NCBP3: variants seen among roughly 807,000 people sequenced by gnomAD.
The protein encoded by NCBP3 is nuclear cap binding subunit 3, also known as nuclear cap-binding protein subunit 3.
A neutral mutation model predicts 75.7 loss-of-function variants in NCBP3; 20 were observed. The observed-to-expected ratio is 0.26, with a 90% CI of 0.19 to 0.38. The LOEUF is 0.38. Among genes scored for constraint, NCBP3 ranks in the 10% least tolerant of loss-of-function variants. The pLI, the probability that NCBP3 is intolerant of heterozygous loss-of-function variation, is 1.00. For missense variants in NCBP3, 678 were observed against 796.9 expected, an observed-to-expected ratio of 0.85 and a Z score of 1.80; for synonymous variants, 293 against 290.5, an observed-to-expected ratio of 1.01 and a Z score of -0.09.
chr17:3,807,980 T>A lies in NCBP3; in HGVS notation c.*5064A>T, dbSNP rs1336362204. 5 of 152,266 alleles carry A rather than the reference T, an allele frequency of 3.3e-5. No individual in the cohort carries two copies. The East Asian group carries it at 9.6e-4, about 29-fold the overall frequency. The allele number at this position is 152,266 out of a possible 1,614,324, so 9.4% of individuals were successfully genotyped here. ...ATACACACATTTCGCTTAAACACAA[T>A]GGTATTTGTCTGAAAAAGATTTAAA... is the stretch of plus-strand genomic sequence containing the variant. On this transcript the variant is annotated 3_prime_UTR_variant, in exon 13 of 13. Coordinates refer to ENST00000389005, the MANE Select transcript of NCBP3 (RefSeq NM_001114118.3).
rs1434637649 is a variant in NCBP3, at chr17:3,813,276, T to C, written c.1631A>G (p.Asn544Ser). ...YADTREKKSG[N>S]LWTRLGSAPK... ...TGCAGATCCTAGGCGAGTCCATAAA[T>C]TACCTGTTTGGATGAGATGGCATTT... is the stretch of plus-strand genomic sequence containing the variant. The change falls in exon 13 of 13, where the codon AAT becomes AGT. Residue 544 changes from asparagine to serine, a missense_variant. Transcript: ENST00000389005. 3.1e-6 allele frequency: 5 copies of C among 1,613,886 alleles called. No individual in the cohort carries two copies. The highest frequency in any genetic ancestry group is 4.2e-6 in the Non-Finnish European group (5 of 1,179,986).
intron 3 of NCBP3, among the ~76,000 whole-genome samples, chr17:3,832,615 A>C (rs2053904077): frequency 6.6e-6 from 1 of 151,102 alleles, no homozygotes; most frequent in Non-Finnish European, 1.5e-5. Context: ...TGGGTGACAG[A>C]GCGAGAGGCC....
At position 3,807,610 on chromosome 17, in the gene NCBP3, G is replaced by A. The variant is rs1384468230; in HGVS notation, c.*5434C>T. 1 of 152,136 alleles carries A rather than the reference G, an allele frequency of 6.6e-6. No homozygotes were observed. The highest frequency in any genetic ancestry group is 2.4e-5 in the African/African-American group (1 of 41,416). 9.4% of individuals were successfully genotyped at this position (152,136 alleles called of 1,614,324 possible). ...AAGGATACAGAGATAACACCACAAAGAAACTTGCTCATTAGGAGCTTGCTT... is the reference window on the plus strand; with the variant it reads ...AAGGATACAGAGATAACACCACAAAAAAACTTGCTCATTAGGAGCTTGCTT... On this transcript the variant is annotated 3_prime_UTR_variant, in exon 13 of 13. Transcript: ENST00000389005.
intron 3 of NCBP3, among the ~76,000 whole-genome samples, chr17:3,830,166 G>A (rs928761415): frequency 1.3e-5 from 2 of 152,140 alleles, no homozygotes; most frequent in Non-Finnish European, 2.9e-5. Context: ...GATTTTGCAC[G>A]TGCCCTACGG....
At chr17:3,819,041 A>G (rs1385399894) in intron 9 of NCBP3, among the ~76,000 whole-genome samples, 1 of 152,022 alleles carries the variant, frequency 6.6e-6, no homozygotes, top group African/African-American at 2.4e-5. Context: ...CGAGTGGCAC[A>G]TTTTTCACAC....
chr17:3,843,848 T>C (rs1226238100), intron 1 of NCBP3, among the ~76,000 whole-genome samples: 2 of 152,174 alleles, frequency 1.3e-5, no homozygotes, highest in Admixed American at 6.5e-5. Context: ...CTGGCAAGTC[T>C]GGTTCTTTTT....
intron 2 of NCBP3, 76 bp downstream of exon 2, chr17:3,843,010 T>G: frequency 1.8e-6 from 2 of 1,128,764 alleles, no homozygotes; most frequent in Admixed American, 2.4e-5. Flanking sequence ...AAATATTTAC[T>G]GTTATGTCCT....
intron 2 of NCBP3, 85 bp from the exon 3 acceptor site, chr17:3,840,290 A>G: frequency 9.3e-7 from 1 of 1,073,258 alleles, no homozygotes; most frequent in Non-Finnish European, 1.4e-6. Context: ...TCAGTGACAA[A>G]CCTGAACTAA....
At chr17:3,813,848 G>T (rs1338472488) in intron 12 of NCBP3, among the ~76,000 whole-genome samples, 5 of 152,106 alleles carry the variant, frequency 3.3e-5, no homozygotes, top group African/African-American at 9.7e-5. Context: ...GTTTTTAGTA[G>T]AGACAGGGTT....
rs559323891 is a variant in NCBP3, at chr17:3,842,865, G to A, written c.249+221C>T. ...TCACTATGTTGCCCAGGCTGGTCTC[G>A]AACTCCTGGGCTTAAACGATCCACT... is the stretch of plus-strand genomic sequence containing the variant. On this transcript the variant is annotated intron_variant, in intron 2 of 12. Transcript: ENST00000389005. Among the ~76,000 whole-genome samples the A allele has an allele frequency of 1.2e-3, 185 of 151,716 alleles. 1 individual carries two copies. Among genetic ancestry groups the A allele is most frequent in the African/African-American group, 4.3e-3 (177 of 41,344 alleles).
intron 4 of NCBP3, 104 bp from the exon 5 acceptor site, chr17:3,826,319 G>T: frequency 9.1e-7 from 1 of 1,104,488 alleles, no homozygotes; most frequent in Non-Finnish European, 1.3e-6. Flanking sequence ...TCTAGCAACA[G>T]ATTATCATCA....
chr17:3,846,203 C>T lies in NCBP3; in HGVS notation c.21G>A (p.Leu7=), dbSNP rs541181439. 9 of 1,482,422 alleles carry T rather than the reference C, an allele frequency of 6.1e-6. No homozygotes were observed. Among genetic ancestry groups the T allele is most frequent in the South Asian group, 3.9e-5 (3 of 76,658 alleles). The allele number at this position is 1,482,422 out of a possible 1,614,324, so 91.8% of individuals were successfully genotyped here. The change falls in exon 1 of 13, where the codon CTG becomes CTA. Residue 7 remains leucine (L), a synonymous_variant. Coordinates refer to ENST00000389005, the MANE Select transcript of NCBP3 (RefSeq NM_001114118.3). The surrounding 1 kb of genome is among the most constrained non-coding windows in gnomAD (Gnocchi z 4.6). MAAVRG[L]RVSVKAEAPA... ...GGGCCTCCGCCTTCACCGACACCCG[C>T]AGGCCCCGTACGGCCGCCATCGCTG... is the stretch of plus-strand genomic sequence containing the variant.
At position 3,821,313 on chromosome 17, in the gene NCBP3, C is replaced by A; in HGVS notation, c.936G>T (p.Val312=). Residue 312 remains valine, a synonymous_variant, in exon 9 of 13, where the codon GTG becomes GTT. Coordinates refer to ENST00000389005, the MANE Select transcript of NCBP3 (RefSeq NM_001114118.3). ...RYHSRRIQRD[V]IKKRALIGDD... ...CCCCAATCAGGGCTCTCTTCTTGAT[C>A]ACGTCCCGCTGAATACGACGGGAAT... 1 of 1,614,132 alleles carries A rather than the reference C, an allele frequency of 6.2e-7. No homozygotes were observed. Among genetic ancestry groups the A allele is most frequent in the Middle Eastern group, 1.6e-4 (1 of 6,062 alleles).
rs777683443 is a variant in NCBP3, at chr17:3,812,290, T to G, written c.*754A>C. The stretch of plus-strand genomic sequence containing the variant: ...TCATGTTTTAAACATAATACAGACT[T>G]AAAAATTCTTCAACATTGACCCATA... On this transcript the variant is annotated 3_prime_UTR_variant, in exon 13 of 13. Coordinates refer to ENST00000389005, the MANE Select transcript of NCBP3 (RefSeq NM_001114118.3). The G allele has an allele frequency of 7.8e-5, 12 of 153,990 alleles. No individual in the cohort carries two copies. Among genetic ancestry groups the G allele is most frequent in the Non-Finnish European group, 1.3e-4 (9 of 69,322 alleles). The allele number at this position is 153,990 out of a possible 1,614,324, so 9.5% of individuals were successfully genotyped here.
chr17:3,824,635 A>G (rs2053750606), intron 7 of NCBP3: 1 of 194,778 alleles, frequency 5.1e-6, no homozygotes, highest in Non-Finnish European at 1.1e-5. Flanking sequence ...GCTGTAATAA[A>G]TAAAGTTTCA....
intron 2 of NCBP3, among the ~76,000 whole-genome samples, chr17:3,841,851 CT>C (rs1247991988): frequency 1.4e-5 from 2 of 143,250 alleles, no homozygotes; most frequent in African/African-American, 5.1e-5. Context: ...AAAAAAAACA[CT>C]ATAAAAAGGA....
chr17:3,812,985 C>T lies in NCBP3; in HGVS notation c.*59G>A, dbSNP rs182985481. ...TCCTGCGGGGGAGGTTCCTACTGCG[C>T]GCCCCACCCTGTGCAAGAATGTCAG... On this transcript the variant is annotated 3_prime_UTR_variant, in exon 13 of 13. Coordinates refer to ENST00000389005, the MANE Select transcript of NCBP3 (RefSeq NM_001114118.3). 173 of 1,603,202 alleles carry T rather than the reference C, an allele frequency of 1.1e-4. No homozygotes were observed. The African/African-American group carries it at 1.8e-3, about 17-fold the overall frequency.
chr17:3,813,539 T>A (rs2053465668), intron 12 of NCBP3, among the ~76,000 whole-genome samples: 1 of 152,166 alleles, frequency 6.6e-6, no homozygotes, highest in Admixed American at 6.5e-5. Flanking sequence ...ACCAGACACA[T>A]CAGAATCACC....
intron 9 of NCBP3, among the ~76,000 whole-genome samples, chr17:3,820,120 T>C (rs1399959434): frequency 6.6e-6 from 1 of 152,144 alleles, no homozygotes; most frequent in Non-Finnish European, 1.5e-5. Context: ...TGGCTAATTT[T>C]TTAATTTTTT....
Sources: allele counts gnomAD v4.1 joint callset (sites outside exome capture counted in the v4.1 genomes callset), GRCh38; gene constraint gnomAD v4.1.1; non-coding constraint Gnocchi (gnomAD v3.1); transcripts MANE v1.5; gene names NCBI Gene and HGNC (gene_info 2026-07-23, HGNC 2026-07-21).